RNF175: variants seen among roughly 807,000 people sequenced by gnomAD.
RNF175 encodes ring finger protein 175.
In RNF175, 38 loss-of-function variants were observed where a neutral mutation model predicts 50.0. That is an observed-to-expected ratio of 0.76 (90% CI 0.59 to 1.00). The LOEUF (loss-of-function observed/expected upper bound fraction) is 1.00. RNF175 is among the 50% of genes least tolerant of loss of function. RNF175 has a pLI of 0.00. For synonymous variants in RNF175, 155 were observed against 146.1 expected (o/e 1.06, Z -0.44); for missense variants, 388 against 409.6 (o/e 0.95, Z 0.46).
At chr4:153,718,239 T>TTTTTTTTTTG (rs1738104618) in intron 6 of RNF175, among the ~76,000 whole-genome samples, 1 of 132,538 alleles carries the variant, frequency 7.5e-6, no homozygotes, top group Non-Finnish European at 1.6e-5. Context: ...TGTTTGTTTG[T>TTTTTTTTTTG]TTTTTTTTTT....
chr4:153,717,528 C>CAA (rs1329222346), intron 6 of RNF175, among the ~76,000 whole-genome samples: 1 of 41,900 alleles, frequency 2.4e-5, no homozygotes, highest in Non-Finnish European at 8.5e-5. Flanking sequence ...CACAGATACA[C>CAA]ACACAAACAC....
chr4:153,729,010 G>A (rs1250518513), intron 3 of RNF175, among the ~76,000 whole-genome samples: 1 of 152,124 alleles, frequency 6.6e-6, no homozygotes, highest in East Asian at 1.9e-4. Flanking sequence ...CCTTTAATCT[G>A]GTCCCATTCC....
chr4:153,716,388 G>A (rs1237713190), intron 6 of RNF175, among the ~76,000 whole-genome samples: 1 of 152,126 alleles, frequency 6.6e-6, no homozygotes, highest in African/African-American at 2.4e-5. Flanking sequence ...AGTAAACCGA[G>A]GCATCTCTCC....
At chr4:153,742,049 C>T (rs990797240) in intron 3 of RNF175, among the ~76,000 whole-genome samples, 48 of 152,140 alleles carry the variant, frequency 3.2e-4, no homozygotes, top group Non-Finnish European at 5.6e-4. Flanking sequence ...CCGAGGCAGG[C>T]GGATCACCTG....
At chr4:153,720,339 T>C (rs2127103004) in intron 5 of RNF175, 35 bp from the exon 6 acceptor site, 3 of 1,586,488 alleles carry the variant, frequency 1.9e-6, no homozygotes, top group Non-Finnish European at 2.6e-6. Flanking sequence ...AATAAGAATG[T>C]GGCATATTTC....
chr4:153,718,226 G>GTTTTTTTTTTTTTTTTTTTTTTTTTTT (rs1325216298), intron 6 of RNF175, among the ~76,000 whole-genome samples: 6 of 30,542 alleles, frequency 2.0e-4, no homozygotes, highest in African/African-American at 2.5e-4. Context: ...TTGTTTGTTT[G>GTTTTTTTTTTTTTTTTTTTTTTTTTTT]TTTGTTTGTT....
rs1737869404 is a variant in RNF175, at chr4:153,715,669, G to A, written c.631-7C>T. 1.9e-6 allele frequency: 3 copies of A among 1,612,984 alleles called. No homozygotes were observed. Among genetic ancestry groups the A allele is most frequent in the Non-Finnish European group, 2.5e-6 (3 of 1,179,356 alleles). Reference sequence around the variant, plus strand: ...ACCGGCTGACACTGTAGAACTATCAGAGGAAATGGACAGAGCACAGTCAGA... The same window carrying A: ...ACCGGCTGACACTGTAGAACTATCAAAGGAAATGGACAGAGCACAGTCAGA... On this transcript the variant is annotated splice_region_variant and splice_polypyrimidine_tract_variant and intron_variant, in intron 6 of 8. Transcript: ENST00000347063.
intron 1 of RNF175, among the ~76,000 whole-genome samples, chr4:153,753,660 C>T (rs1000604584): frequency 4.0e-5 from 6 of 151,510 alleles, no homozygotes; most frequent in Non-Finnish European, 7.4e-5. Flanking sequence ...CGGGTTCAAG[C>T]GATTCTCCTG....
Position 153,715,530 on chromosome 4 carries a change from C to G in RNF175, c.763G>C (p.Val255Leu). 1 of 1,587,336 alleles carries G rather than the reference C, an allele frequency of 6.3e-7. No homozygotes were observed. Among genetic ancestry groups the G allele is most frequent in the East Asian group, 2.3e-5 (1 of 43,702 alleles). Residue 255 changes from valine to leucine, a missense_variant and splice_region_variant, in exon 7 of 9, where the codon GTC (valine) becomes CTC (leucine). By Grantham distance (32) the Val-to-Leu change is conservative. Coordinates refer to ENST00000347063, the MANE Select transcript of RNF175 (RefSeq NM_173662.4). ...ENTYQLSCNHVFHEFCIRGWC... is the reference protein window; with the variant it reads ...ENTYQLSCNHLFHEFCIRGWC... ...AACAATTTCCTTTGAAAAGGATACA[C>G]ATGATTACAGGAAAGCTGGTAGGTG...
chr4:153,742,504 T>C (rs1739724202), intron 3 of RNF175, among the ~76,000 whole-genome samples: 3 of 152,166 alleles, frequency 2.0e-5, no homozygotes, highest in African/African-American at 7.2e-5. Context: ...ACAAACAGTA[T>C]CTATTGGATG....
chr4:153,753,048 C>T (rs13145266), intron 1 of RNF175, among the ~76,000 whole-genome samples: 77,803 of 151,726 alleles, frequency 0.51, 20,456 homozygotes, highest in Middle Eastern at 0.6. Context: ...CATAAACCTC[C>T]AAGTCCAAGG....
intron 3 of RNF175, among the ~76,000 whole-genome samples, chr4:153,745,066 G>C (rs1168538138): frequency 6.6e-6 from 1 of 152,202 alleles, no homozygotes; most frequent in African/African-American, 2.4e-5. Flanking sequence ...TTGCAGGCAA[G>C]TTGAGTCCCT....
In RNF175 at chr4:153,720,309, T is replaced by G. The variant is rs927098777; in HGVS notation, c.510-5A>C. The G allele has an allele frequency of 2.5e-6, 4 of 1,612,128 alleles. No individual in the cohort carries two copies. Among genetic ancestry groups the G allele is most frequent in the East Asian group, 4.5e-5 (2 of 44,866 alleles). ...ATGGAATCTCTAGCTTTGATTCTAT[T>G]GAAAACAACAGTATAAGGAAATAAG... is the stretch of plus-strand genomic sequence containing the variant. On this transcript the variant is annotated splice_region_variant and splice_polypyrimidine_tract_variant and intron_variant, in intron 5 of 8. Transcript: ENST00000347063.
At chr4:153,753,574 C>T (rs994150752) in intron 1 of RNF175, among the ~76,000 whole-genome samples, 5 of 150,256 alleles carry the variant, frequency 3.3e-5, no homozygotes, top group East Asian at 4.0e-4. Context: ...TTTTTTTTCC[C>T]GAGGTGGAGT....
At chr4:153,724,966 G>T (rs1479269484) in intron 4 of RNF175, among the ~76,000 whole-genome samples, 12 of 110,598 alleles carry the variant, frequency 1.1e-4, no homozygotes, top group African/African-American at 1.2e-4. Flanking sequence ...TGAGCTACGT[G>T]GGGGAGCGGG....
intron 3 of RNF175, chr4:153,729,575 C>T: frequency 3.0e-6 from 2 of 667,192 alleles, no homozygotes; most frequent in Non-Finnish European, 3.7e-6. Context: ...AGGTCAATAA[C>T]CAAAGCTCTT....
At position 153,710,200 on chromosome 4, in the gene RNF175, C is replaced by A; in HGVS notation, c.*169G>T. 1.9e-6 allele frequency: 1 copy of A among 522,896 alleles called. No homozygotes were observed. The highest frequency in any genetic ancestry group is 3.3e-6 in the Non-Finnish European group (1 of 301,562). The allele number at this position is 522,896 out of a possible 1,614,324, so 32.4% of individuals were successfully genotyped here. On this transcript the variant is annotated 3_prime_UTR_variant, in exon 9 of 9. Transcript: ENST00000347063. ...AAAAACATGCTTTATTTGTTTATTC[C>A]ATTGTTCAGCTTCTCTTTAAATTCT...
In RNF175 at chr4:153,731,999, A is replaced by C. The variant is rs1462454320; in HGVS notation, c.247-3638T>G. ...GTAATCTGAGGACTTTGGGAGGCCG[A>C]GATGGGTGGATCCCTTGAGGCCAGA... On this transcript the variant is annotated intron_variant, in intron 3 of 8. Transcript: ENST00000347063. Among the ~76,000 whole-genome samples, 5 of 152,194 alleles carry C rather than the reference A, an allele frequency of 3.3e-5. No individual in the cohort carries two copies. The East Asian group carries it at 9.6e-4, about 29-fold the overall frequency.
chr4:153,748,737 G>T lies in RNF175; in HGVS notation c.154C>A (p.His52Asn), dbSNP rs748571301. The T allele has an allele frequency of 6.2e-7, 1 of 1,611,448 alleles. No homozygotes were observed. The highest frequency in any genetic ancestry group is 8.5e-7 in the Non-Finnish European group (1 of 1,178,768). ...YKMHRGHDSMHVEMILIFLCV... is the reference protein window; with the variant it reads ...YKMHRGHDSMNVEMILIFLCV... ...AGGAAGATCAAGATCATTTCCACGT[G>T]CATGGAATCGTGGCCCCGGTGCATC... The change falls in exon 3 of 9, where the codon CAC (histidine) becomes AAC (asparagine). Residue 52 changes from histidine (H) to asparagine (N), a missense_variant. Transcript: ENST00000347063.
Sources: gnomAD v4.1 joint callset for allele counts (sites outside exome capture counted in the v4.1 genomes callset) on GRCh38, gnomAD v4.1.1 for gene constraint, MANE v1.5 for transcripts, NCBI Gene and HGNC (gene_info 2026-07-23, HGNC 2026-07-21) for gene names.